The following PKHD1 variants were observed in gnomAD, a reference collection of about 807,000 sequenced individuals.
PKHD1 encodes the protein fibrocystin.
In PKHD1, 291 loss-of-function variants were observed where a neutral mutation model predicts 412.0. The observed-to-expected ratio is 0.71, with a 90% confidence interval of 0.64 to 0.78. PKHD1 has a LOEUF of 0.78. Among genes scored for constraint, PKHD1 ranks in the 30% least tolerant of loss-of-function variants. The pLI, the probability that PKHD1 is intolerant of heterozygous loss-of-function variation, is 0.00. For synonymous variants in PKHD1, 1,777 were observed against 1,821.5 expected (o/e 0.98, Z 0.62); for missense variants, 4,825 against 4,950.7 (o/e 0.97, Z 0.76).
intron 35 of PKHD1, among the ~76,000 whole-genome samples, chr6:51,963,854 T>TA (rs1792425284): frequency 6.6e-6 from 1 of 152,146 alleles, no homozygotes; most frequent in South Asian, 2.1e-4. Context: ...TTCCACCTAA[T>TA]ATAAGCTCTT....
At chr6:51,830,675 G>A (rs1020353661) in intron 52 of PKHD1, among the ~76,000 whole-genome samples, 186 bp downstream of exon 52, 1 of 152,100 alleles carries the variant, frequency 6.6e-6, no homozygotes, top group African/African-American at 2.4e-5. Flanking sequence ...TTAATTTTGG[G>A]GGGATTTCAC....
Position 51,912,389 on chromosome 6 carries a change from G to T in PKHD1, c.6309C>A (p.Asp2103Glu), listed in dbSNP as rs749867575. ...ACCTCAAAGGTGACTTAAGATAGAG[G>T]TCTGTATCCTGCACAGTTTCCACAG... ...IVTVETVQDT[D>E]LYLKSPLRYS... The change falls in exon 38 of 67, where the codon GAC becomes GAA. Residue 2103 changes from aspartate to glutamate, a missense_variant. Asp to Glu is a conservative substitution (Grantham distance 45). Transcript: ENST00000371117. The T allele has an allele frequency of 2.5e-6, 4 of 1,611,650 alleles. No homozygotes were observed. The African/African-American group carries it at 5.3e-5, about 22-fold the overall frequency.
At chr6:51,999,778 G>A (rs2128095365) in intron 35 of PKHD1, among the ~76,000 whole-genome samples, 1 of 152,214 alleles carries the variant, frequency 6.6e-6, no homozygotes, top group South Asian at 2.1e-4. Flanking sequence ...TAACATATTA[G>A]AGCTTTCAGC....
At chr6:51,856,120 A>G (rs530869630) in intron 48 of PKHD1, 50 bp from the exon 49 acceptor site, 6 of 1,076,204 alleles carry the variant, frequency 5.6e-6, no homozygotes, top group Non-Finnish European at 8.7e-6. Flanking sequence ...TTATTTGCTC[A>G]TTCTGAATCC....
chr6:51,886,046 A>G, intron 44 of PKHD1, 74 bp from the exon 45 acceptor site: 1 of 926,528 alleles, frequency 1.1e-6, no homozygotes, highest in Non-Finnish European at 1.8e-6. Context: ...GTTGAAAAAT[A>G]CAAAGTAAAA....
At chr6:51,786,559 C>T (rs1792886508) in intron 53 of PKHD1, among the ~76,000 whole-genome samples, 1 of 152,184 alleles carries the variant, frequency 6.6e-6, no homozygotes, top group African/African-American at 2.4e-5. Flanking sequence ...TCTACTACCA[C>T]CATTTCATAC....
At chr6:51,765,953 A>G (rs921553553) in intron 55 of PKHD1, among the ~76,000 whole-genome samples, 9 of 152,120 alleles carry the variant, frequency 5.9e-5, no homozygotes, top group Non-Finnish European at 1.0e-4. Context: ...CACCTCTGAA[A>G]TTATGCTTCA....
At chr6:52,062,699 A>G (rs1424840878) in intron 13 of PKHD1, 39 bp from the exon 14 acceptor site, 3 of 1,612,946 alleles carry the variant, frequency 1.9e-6, no homozygotes, top group African/African-American at 2.7e-5. Context: ...TACAGGGCGC[A>G]CCTTCCCAAA....
At chr6:51,924,782 T>C (rs1222348529) in intron 37 of PKHD1, among the ~76,000 whole-genome samples, 1 of 152,210 alleles carries the variant, frequency 6.6e-6, no homozygotes, top group African/African-American at 2.4e-5. Flanking sequence ...TGAGAGATTA[T>C]TGGAAAACGG....
chr6:51,793,197 G>C (rs1794037611), intron 52 of PKHD1, among the ~76,000 whole-genome samples: 1 of 152,036 alleles, frequency 6.6e-6, no homozygotes, highest in Non-Finnish European at 1.5e-5. Flanking sequence ...CTCATCTCTA[G>C]CACTTTTCAA....
At chr6:52,007,371 G>A (rs1213872603) in intron 35 of PKHD1, among the ~76,000 whole-genome samples, 1 of 152,116 alleles carries the variant, frequency 6.6e-6, no homozygotes, top group Non-Finnish European at 1.5e-5. Flanking sequence ...CTTGAATTTG[G>A]AACAGGGACC....
chr6:52,061,688 C>A, intron 14 of PKHD1, among the ~76,000 whole-genome samples: 3 of 145,812 alleles, frequency 2.1e-5, no homozygotes, highest in African/African-American at 5.0e-5. Flanking sequence ...ACCGCAATTA[C>A]TTTTGCACCA....
At chr6:52,022,663 A>T (rs547726949) in intron 33 of PKHD1, 138 bp downstream of exon 33, 26 of 804,456 alleles carry the variant, frequency 3.2e-5, no homozygotes, top group Non-Finnish European at 4.1e-6. Context: ...TTAGATGAGG[A>T]GTAGAGAAAT....
intron 46 of PKHD1, among the ~76,000 whole-genome samples, chr6:51,872,899 T>TTTTTC (rs61420007): frequency 3.3e-5 from 3 of 91,314 alleles, no homozygotes; most frequent in South Asian, 4.2e-4. Context: ...TTTTTTTTTT[T>TTTTTC]CAGAAAGTTA....
At chr6:51,805,457 T>C (rs1399337048) in intron 52 of PKHD1, among the ~76,000 whole-genome samples, 1 of 152,152 alleles carries the variant, frequency 6.6e-6, no homozygotes, top group Non-Finnish European at 1.5e-5. Context: ...AAGGATTCAC[T>C]CATATCCCAA....
intron 40 of PKHD1, among the ~76,000 whole-genome samples, chr6:51,908,982 A>C (rs897939543): frequency 2.0e-5 from 3 of 152,152 alleles, no homozygotes; most frequent in African/African-American, 7.2e-5. Flanking sequence ...GATAGTTCTC[A>C]AACTGGACTC....
At position 52,025,581 on chromosome 6, in the gene PKHD1, C is replaced by T; in HGVS notation, c.4229G>A (p.Arg1410Lys). 1.9e-6 allele frequency: 3 copies of T among 1,614,172 alleles called. No homozygotes were observed. Among genetic ancestry groups the T allele is most frequent in the Non-Finnish European group, 1.7e-6 (2 of 1,180,024 alleles). Residue 1410 changes from arginine (R) to lysine (K), a missense_variant, in exon 32 of 67, where the codon AGG becomes AAG. By Grantham distance (26) the Arg-to-Lys change is conservative. Coordinates refer to ENST00000371117, the MANE Select transcript of PKHD1 (RefSeq NM_138694.4). ...SACGGTILTV[R>K]GLLLNSRRRS... ...CCTTCTAGAGTTAAGAAGCAACCCC[C>T]TCACAGTAAGTATGGTCCCACCACA...
intron 35 of PKHD1, among the ~76,000 whole-genome samples, chr6:51,989,025 TA>T (rs1796548342): frequency 1.3e-5 from 2 of 152,172 alleles, no homozygotes. Context: ...GCCTAAAAAA[TA>T]TTTCTCTACT....
chr6:51,680,859 A>G (rs972718771), intron 60 of PKHD1, among the ~76,000 whole-genome samples: 2 of 152,070 alleles, frequency 1.3e-5, no homozygotes, highest in Admixed American at 1.3e-4. Context: ...GAGCAATGCC[A>G]ATAAAACTTG....
Sources: allele counts gnomAD v4.1 joint callset (sites outside exome capture counted in the v4.1 genomes callset), GRCh38; gene constraint gnomAD v4.1.1; transcripts MANE v1.5; gene names NCBI Gene and HGNC (gene_info 2026-07-23, HGNC 2026-07-21).